Variants in MPHOSPH8 observed in about 807,000 individuals in gnomAD.
The protein encoded by MPHOSPH8 is M-phase phosphoprotein 8, also known as M-phase phosphoprotein, mpp.
In MPHOSPH8, 45 loss-of-function variants were observed where a neutral mutation model predicts 87.3. The ratio of observed to expected loss-of-function variants is 0.52; its 90% CI spans 0.41 to 0.66. MPHOSPH8 has a LOEUF of 0.66. MPHOSPH8 is among the 30% of genes least tolerant of loss of function. The pLI, the probability that MPHOSPH8 is intolerant of heterozygous loss-of-function variation, is 0.00. For synonymous variants in MPHOSPH8, 366 were observed against 376.9 expected, an observed-to-expected ratio of 0.97 and a Z score of 0.33; for missense variants, 883 against 1,020.2, an observed-to-expected ratio of 0.87 and a Z score of 1.83.
At chr13:19,658,950 A>G in intron 5 of MPHOSPH8, 45 bp from the exon 6 acceptor site, 1 of 1,586,740 alleles carries the variant, frequency 6.3e-7, no homozygotes, top group South Asian at 1.2e-5. Flanking sequence ...TGGGTTTTTT[A>G]TACTTCAGAC....
chr13:19,657,755 TATTATC>T (rs1362511322), intron 5 of MPHOSPH8, among the ~76,000 whole-genome samples: 1 of 152,096 alleles, frequency 6.6e-6, no homozygotes, highest in Non-Finnish European at 1.5e-5. Flanking sequence ...AGTTTGGTGG[TATTATC>T]TCAGTTCATA....
chr13:19,668,357 G>C lies in MPHOSPH8; in HGVS notation c.2175-20G>C. The C allele has an allele frequency of 6.2e-7, 1 of 1,607,750 alleles. No homozygotes were observed. Among genetic ancestry groups the C allele is most frequent in the Non-Finnish European group, 8.5e-7 (1 of 1,176,322 alleles). On this transcript the variant is annotated intron_variant, in intron 10 of 13. Coordinates refer to ENST00000361479, the MANE Select transcript of MPHOSPH8 (RefSeq NM_017520.4). ...TTCTTTTCTACATTAACGTTAACAC[G>C]TACTATTTTTTTTTCTTAGACTTTC...
At chr13:19,660,829 A>G (rs1875484076) in intron 7 of MPHOSPH8, 1 of 604,688 alleles carries the variant, frequency 1.7e-6, no homozygotes, top group Non-Finnish European at 2.1e-6. Context: ...TGAAATTCTT[A>G]TAGTTTTTAA....
chr13:19,637,267 G>T (rs1874057862), intron 1 of MPHOSPH8, among the ~76,000 whole-genome samples: 1 of 152,150 alleles, frequency 6.6e-6, no homozygotes, highest in Admixed American at 6.5e-5. Flanking sequence ...CTGATAACTA[G>T]CATTAGATTT....
At position 19,668,122 on chromosome 13, in the gene MPHOSPH8, T is replaced by C. The variant is rs1875916155; in HGVS notation, c.2175-255T>C. 2.0e-5 allele frequency among the ~76,000 whole-genome samples: 3 copies of C among 152,242 alleles called. No homozygotes were observed. In the South Asian group the frequency reaches 6.2e-4, roughly 32 times the overall value. Reference sequence around the variant, plus strand: ...AGCATAGACTTTGTGCCAGGCACTGTTCTAAAGGCTGGGGAGATGGAAATG... The same window carrying C: ...AGCATAGACTTTGTGCCAGGCACTGCTCTAAAGGCTGGGGAGATGGAAATG... On this transcript the variant is annotated intron_variant, in intron 10 of 13. Transcript: ENST00000361479.
In MPHOSPH8 at chr13:19,669,513, CT is replaced by C. The variant is rs56315114; in HGVS notation, c.2330-707del. On this transcript the variant is annotated intron_variant, in intron 11 of 13. Coordinates refer to ENST00000361479, the MANE Select transcript of MPHOSPH8 (RefSeq NM_017520.4). ...TGTGTACAATGTCTGCATCCACCAA[CT>C]TTTTTTTTTTTTTTTCAGGAGTCTC... 4.7e-3 allele frequency among the ~76,000 whole-genome samples: 633 copies of C among 133,468 alleles called. 6 individuals are homozygous for C. The highest frequency in any genetic ancestry group is 0.017 in the African/African-American group (603 of 35,588). 87.6% of individuals were successfully genotyped at this position (133,468 alleles called of 152,430 possible).
At chr13:19,655,533 A>G (rs1875112648) in intron 5 of MPHOSPH8, among the ~76,000 whole-genome samples, 2 of 152,144 alleles carry the variant, frequency 1.3e-5, no homozygotes, top group South Asian at 2.1e-4. Flanking sequence ...ATAATGGTGT[A>G]ACATTAGAAA....
chr13:19,655,606 ACTC>A (rs1364733016), intron 5 of MPHOSPH8, among the ~76,000 whole-genome samples: 2 of 151,814 alleles, frequency 1.3e-5, no homozygotes, highest in Non-Finnish European at 2.9e-5. Context: ...CTGGTCTTGA[ACTC>A]CTGGGTTCCA....
intron 1 of MPHOSPH8, among the ~76,000 whole-genome samples, chr13:19,639,342 G>A (rs1874168390): frequency 6.7e-6 from 1 of 149,922 alleles, no homozygotes; most frequent in Admixed American, 6.7e-5. Flanking sequence ...ATGGAATCTT[G>A]CTCTGTCACC....
intron 3 of MPHOSPH8, 87 bp from the exon 4 acceptor site, chr13:19,648,335 C>G: frequency 1.3e-6 from 1 of 773,962 alleles, no homozygotes; most frequent in African/African-American, 1.8e-5. Flanking sequence ...TTCCCTGAAG[C>G]CACAAACCTG....
At position 19,670,227 on chromosome 13, in the gene MPHOSPH8, C is replaced by T. The variant is rs535563055; in HGVS notation, c.2330-9C>T. ...TTTGAAGTAATTCACACACATCTCC[C>T]ATTTTCAGGCTCTGGCATCCTGCTG... On this transcript the variant is annotated splice_polypyrimidine_tract_variant and intron_variant, in intron 11 of 13. Coordinates refer to ENST00000361479, the MANE Select transcript of MPHOSPH8 (RefSeq NM_017520.4). 40 of 1,613,896 alleles carry T rather than the reference C, an allele frequency of 2.5e-5. No homozygotes were observed. The highest frequency in any genetic ancestry group is 3.3e-5 in the Admixed American group (2 of 60,004).
Position 19,633,858 on chromosome 13 carries a change from A to G in MPHOSPH8, c.110A>G (p.Asp37Gly), listed in dbSNP as rs1256736910. 6 of 1,611,354 alleles carry G rather than the reference A, an allele frequency of 3.7e-6. No homozygotes were observed. The highest frequency in any genetic ancestry group is 5.1e-6 in the Non-Finnish European group (6 of 1,179,170). Residue 37 changes from aspartate to glycine, a missense_variant, in exon 1 of 14, where the codon GAT (aspartate) becomes GGT (glycine). Coordinates refer to ENST00000361479, the MANE Select transcript of MPHOSPH8 (RefSeq NM_017520.4). ...VEEGVGVVGE[D>G]NDAAARGAEA... ...GAAGGAGTTGGAGTAGTGGGCGAAG[A>G]TAATGACGCAGCCGCGAGAGGAGCG...
chr13:19,637,592 T>C (rs1432660087), intron 1 of MPHOSPH8, among the ~76,000 whole-genome samples: 1 of 151,418 alleles, frequency 6.6e-6, no homozygotes, highest in African/African-American at 2.4e-5. Context: ...CCCAAAGTGC[T>C]GGGATTACAG....
rs748205099 is a variant in MPHOSPH8 at position 19,671,858 on chromosome 13, A to G, written c.2566A>G (p.Arg856Gly). ...GGTTAAGTTGCTAATAGGTGCATAC[A>G]GAGTGCAGCTGCAGTGACCAAACAG... Reference protein sequence around the residue: ...AKVKLLIGAYRVQLQ With the variant: ...AKVKLLIGAYGVQLQ Residue 856 changes from arginine (R) to glycine (G), a missense_variant, in exon 14 of 14, where the codon AGA becomes GGA. Transcript: ENST00000361479. 1.2e-6 allele frequency: 2 copies of G among 1,614,206 alleles called. No individual in the cohort carries two copies. Among genetic ancestry groups the G allele is most frequent in the South Asian group, 1.1e-5 (1 of 91,088 alleles).
intron 1 of MPHOSPH8, among the ~76,000 whole-genome samples, chr13:19,637,135 C>T (rs1874050484): frequency 6.6e-6 from 1 of 152,208 alleles, no homozygotes; most frequent in Admixed American, 6.5e-5. Flanking sequence ...GAATGAAGCA[C>T]ACCTGTTGAA....
chr13:19,650,081 G>A lies in MPHOSPH8; in HGVS notation c.1397G>A (p.Arg466Gln), dbSNP rs532851739. The A allele has an allele frequency of 3.3e-5, 54 of 1,612,472 alleles. No homozygotes were observed. Among genetic ancestry groups the A allele is most frequent in the East Asian group, 1.8e-4 (8 of 44,850 alleles). ...EEKNDVSENN[R>Q]KREEIPLDFK... ...AAAAATGATGTTTCTGAGAATAATC[G>A]GAAAAGGGAAGAAATACCACTGGAT... Residue 466 changes from arginine to glutamine, a missense_variant, in exon 5 of 14, where the codon CGG (arginine) becomes CAG (glutamine). This residue lies in a region of MPHOSPH8 where 741 missense variants were observed against 841.5 expected (regional missense o/e 0.88). Transcript: ENST00000361479.
intron 1 of MPHOSPH8, 89 bp downstream of exon 1, chr13:19,634,050 A>C: frequency 2.3e-6 from 3 of 1,326,940 alleles, no homozygotes; most frequent in Non-Finnish European, 3.2e-6. Context: ...GGGCAGACCC[A>C]AAACAGGAGC....
intron 1 of MPHOSPH8, among the ~76,000 whole-genome samples, chr13:19,635,581 A>T (rs918315742): frequency 2.0e-5 from 3 of 152,196 alleles, no homozygotes; most frequent in Non-Finnish European, 4.4e-5. Context: ...AATTAAGATG[A>T]TTCTCATTCA....
In MPHOSPH8 at chr13:19,646,850, A is replaced by C. The variant is rs1260725114; in HGVS notation, c.777A>C (p.Glu259Asp). The C allele has an allele frequency of 6.2e-7, 1 of 1,603,124 alleles. No individual in the cohort carries two copies. Residue 259 changes from glutamate to aspartate, a missense_variant, in exon 3 of 14, where the codon GAA becomes GAC. Physicochemically the swap from Glu to Asp is conservative, Grantham distance 45. Transcript: ENST00000361479. ...AAACAAAAAAAGAAAAATTTGTCGA[A>C]TCCCAGGTGGAATCTGAATCAAGTG... ...NRKTKKEKFV[E>D]SQVESESSVL...
Sources: allele counts gnomAD v4.1 joint callset (sites outside exome capture counted in the v4.1 genomes callset), GRCh38; gene constraint gnomAD v4.1.1; regional missense constraint gnomAD v4.1.1; transcripts MANE v1.5; gene names NCBI Gene and HGNC (gene_info 2026-07-23, HGNC 2026-07-21).